DCC: variants seen among roughly 807,000 people sequenced by gnomAD.
DCC encodes netrin receptor DCC.
DCC carries 58 observed loss-of-function variants against 172.5 expected under a neutral mutation model. The observed-to-expected ratio is 0.34, with a 90% CI of 0.27 to 0.42. The LOEUF (loss-of-function observed/expected upper bound fraction) is 0.42, where lower values mean the gene tolerates loss of function less well. Among genes scored for constraint, DCC ranks in the 10% least tolerant of loss-of-function variants. The pLI, the probability that DCC is intolerant of heterozygous loss-of-function variation, is 1.00. For synonymous variants in DCC, 709 were observed against 644.5 expected (o/e 1.10, Z -1.52); for missense variants, 1,740 against 1,791.0 (o/e 0.97, Z 0.51).
At chr18:52,878,004 C>T (rs2039427651) in intron 2 of DCC, among the ~76,000 whole-genome samples, 1 of 152,042 alleles carries the variant, frequency 6.6e-6, no homozygotes, top group Non-Finnish European at 1.5e-5. Context: ...CTGTGTGTCT[C>T]TGGGGCTAAA....
chr18:52,472,067 A>G (rs1460954599), intron 1 of DCC, among the ~76,000 whole-genome samples: 1 of 152,172 alleles, frequency 6.6e-6, no homozygotes, highest in African/African-American at 2.4e-5. Flanking sequence ...TTTATTAACT[A>G]GATTTTCATC....
chr18:52,476,649 T>G (rs1170696353), intron 1 of DCC, among the ~76,000 whole-genome samples: 1 of 152,184 alleles, frequency 6.6e-6, no homozygotes, highest in Non-Finnish European at 1.5e-5. Flanking sequence ...AGATTCCCAT[T>G]TTAGTCCGGG....
chr18:53,044,239 G>T (rs572800834), intron 5 of DCC, among the ~76,000 whole-genome samples: 1 of 151,708 alleles, frequency 6.6e-6, no homozygotes, highest in East Asian at 1.9e-4. Context: ...GATGTATAAA[G>T]CAAAGGCAAG....
chr18:53,088,211 G>A (rs1484621392), intron 7 of DCC, among the ~76,000 whole-genome samples: 4 of 152,092 alleles, frequency 2.6e-5, no homozygotes, highest in Non-Finnish European at 4.4e-5. Context: ...CCATTTTCAC[G>A]ATATTGATTC....
chr18:53,092,713 GC>G (rs1256261927), intron 7 of DCC, among the ~76,000 whole-genome samples: 1 of 152,002 alleles, frequency 6.6e-6, no homozygotes. Flanking sequence ...TGTTTATTTT[GC>G]TATTTTGCTT....
intron 27 of DCC, among the ~76,000 whole-genome samples, chr18:53,510,050 C>T (rs2046231616): frequency 1.3e-5 from 2 of 152,126 alleles, no homozygotes; most frequent in Admixed American, 6.6e-5. Context: ...CCTAAATGAA[C>T]ATCAGTAGAT....
intron 1 of DCC, among the ~76,000 whole-genome samples, chr18:52,448,333 C>CA (rs1237435659): frequency 2.0e-5 from 3 of 152,114 alleles, no homozygotes; most frequent in African/African-American, 7.2e-5. Flanking sequence ...TCCCTCATGC[C>CA]AAAAAGGTCA....
At chr18:53,266,691 C>T (rs1445967064) in intron 12 of DCC, among the ~76,000 whole-genome samples, 1 of 152,014 alleles carries the variant, frequency 6.6e-6, no homozygotes, top group Non-Finnish European at 1.5e-5. Flanking sequence ...GCCCTCCTCA[C>T]ACTTCAGCCA....
intron 5 of DCC, among the ~76,000 whole-genome samples, chr18:52,957,083 G>A (rs561717200): frequency 4.6e-5 from 7 of 152,154 alleles, no homozygotes; most frequent in Middle Eastern, 3.4e-3. Context: ...CTGAAACTTC[G>A]ATAGAAAGAA....
rs1983595457 is a variant in DCC, at chr18:52,340,814, G to T, written c.27G>T (p.Trp9Cys). 1 of 1,614,052 alleles carries T rather than the reference G, an allele frequency of 6.2e-7. No individual in the cohort carries two copies. Among genetic ancestry groups the T allele is most frequent in the Non-Finnish European group, 8.5e-7 (1 of 1,179,988 alleles). The change falls in exon 1 of 29, where the codon TGG becomes TGT. Residue 9 changes from tryptophan (W) to cysteine (C), a missense_variant. By Grantham distance (215) the Trp-to-Cys change is radical. Transcript: ENST00000442544. ...TGGAGAATAGTCTTAGATGTGTTTG[G>T]GTACCCAAGCTGGCTTTTGTACTCT... Reference protein sequence around the residue: MENSLRCVWVPKLAFVLFG... With the variant: MENSLRCVCVPKLAFVLFG...
intron 28 of DCC, among the ~76,000 whole-genome samples, chr18:53,528,096 G>A (rs1344376317): frequency 6.6e-6 from 1 of 151,950 alleles, no homozygotes; most frequent in Non-Finnish European, 1.5e-5. Flanking sequence ...TCAGTCCTCT[G>A]TAAGCAATGC....
At chr18:52,857,146 T>C (rs533565216) in intron 2 of DCC, among the ~76,000 whole-genome samples, 1 of 152,384 alleles carries the variant, frequency 6.6e-6, no homozygotes, top group Admixed American at 6.5e-5. Flanking sequence ...TCATGTATAT[T>C]CCTTCTTAAA....
At chr18:53,241,748 G>A (rs2056297965) in intron 12 of DCC, among the ~76,000 whole-genome samples, 1 of 152,166 alleles carries the variant, frequency 6.6e-6, no homozygotes, top group South Asian at 2.1e-4. Context: ...TCCTTTGGAG[G>A]TTGCAGTGGC....
chr18:52,479,522 C>T (rs963806577), intron 1 of DCC, among the ~76,000 whole-genome samples: 3 of 151,346 alleles, frequency 2.0e-5, no homozygotes, highest in Admixed American at 6.6e-5. Flanking sequence ...CCCTGGCTCC[C>T]CCTCCTCATC....
At chr18:53,034,792 C>A (rs925783150) in intron 5 of DCC, among the ~76,000 whole-genome samples, 1 of 151,780 alleles carries the variant, frequency 6.6e-6, no homozygotes, top group Admixed American at 6.6e-5. Flanking sequence ...TTGGTGTGCT[C>A]ATCTGCTCTT....
intron 8 of DCC, among the ~76,000 whole-genome samples, chr18:53,172,888 T>C (rs965693520): frequency 1.3e-5 from 2 of 152,190 alleles, no homozygotes; most frequent in Admixed American, 1.3e-4. Flanking sequence ...TTAAGTGTGA[T>C]ACCCACTAAC....
At chr18:52,539,964 C>A (rs533431593) in intron 1 of DCC, among the ~76,000 whole-genome samples, 1 of 152,212 alleles carries the variant, frequency 6.6e-6, no homozygotes, top group South Asian at 2.1e-4. Context: ...CCTGCTAATT[C>A]CAGTAGAATT....
chr18:53,161,268 T>C (rs1457603867), intron 8 of DCC, among the ~76,000 whole-genome samples: 2 of 152,214 alleles, frequency 1.3e-5, no homozygotes, highest in African/African-American at 4.8e-5. Context: ...GCTAACCCAG[T>C]AGTCAATTCC....
intron 1 of DCC, among the ~76,000 whole-genome samples, chr18:52,422,227 G>T (rs558255394): frequency 2.0e-5 from 3 of 152,254 alleles, no homozygotes; most frequent in Non-Finnish European, 4.4e-5. Context: ...TCTGCTTAAG[G>T]CCTGCTAAGT....
Sources: allele counts gnomAD v4.1 joint callset (sites outside exome capture counted in the v4.1 genomes callset), GRCh38; gene constraint gnomAD v4.1.1; transcripts MANE v1.5; gene names NCBI Gene and HGNC (gene_info 2026-07-23, HGNC 2026-07-21).